The following DZANK1 variants were observed in gnomAD, a reference collection of about 807,000 sequenced individuals.
DZANK1 encodes double zinc ribbon and ankyrin repeat domains 1.
Under a neutral mutation model 94.5 loss-of-function variants are expected in DZANK1, and 91 were observed. The observed-to-expected ratio is 0.96, with a 90% CI of 0.81 to 1.15. The LOEUF (loss-of-function observed/expected upper bound fraction) is 1.15. Ranked by LOEUF, DZANK1 falls within the 50% of genes most tolerant of loss-of-function variation. The pLI is 0.00. For missense variants in DZANK1, 903 were observed against 916.4 expected (o/e 0.99, Z 0.19); for synonymous variants, 312 against 325.3 (o/e 0.96, Z 0.44).
intron 9 of DZANK1, among the ~76,000 whole-genome samples, chr20:18,430,887 C>T (rs1229967236): frequency 2.0e-5 from 3 of 151,938 alleles, no homozygotes; most frequent in Non-Finnish European, 2.9e-5. Context: ...AATTAAGTTG[C>T]GAGGAAAAGT....
intron 3 of DZANK1, among the ~76,000 whole-genome samples, chr20:18,458,330 A>G (rs995060360): frequency 6.6e-6 from 1 of 152,206 alleles, no homozygotes; most frequent in African/African-American, 2.4e-5. Flanking sequence ...AGATTTAAAC[A>G]GGGAAATTTA....
Position 18,386,166 on chromosome 20 carries a change from G to A in DZANK1, c.2019-1076C>T, listed in dbSNP as rs4814741. 2.6e-3 allele frequency among the ~76,000 whole-genome samples: 390 copies of A among 152,328 alleles called. 5 individuals are homozygous for A. Among genetic ancestry groups the A allele is most frequent in the Admixed American group, 0.021 (325 of 15,310 alleles). ...ATCCCTATGGAGAAAAAGGAGAGTG[G>A]CTTCCTCTCTGATGAAGATAAAGAG... On this transcript the variant is annotated intron_variant, in intron 19 of 20. Coordinates refer to ENST00000262547, the Ensembl canonical transcript of DZANK1.
rs1297781951 is a variant in DZANK1 at position 18,441,232 on chromosome 20, T to G, written c.747+2115A>C. Among the ~76,000 whole-genome samples, 2 of 152,198 alleles carry G rather than the reference T, an allele frequency of 1.3e-5. No homozygotes were observed. Among genetic ancestry groups the G allele is most frequent in the Non-Finnish European group, 2.9e-5 (2 of 68,042 alleles). Reference sequence around the variant, plus strand: ...CCACAGGTGACAGCCTGATTAACTGTGATGCCCCCTCATGCTATGGATCAC... The same window carrying G: ...CCACAGGTGACAGCCTGATTAACTGGGATGCCCCCTCATGCTATGGATCAC... On this transcript the variant is annotated intron_variant, in intron 8 of 20. Transcript: ENST00000262547. The surrounding 1 kb of genome is among the most constrained non-coding windows in gnomAD (Gnocchi z 4.1).
chr20:18,454,474 T>G, intron 4 of DZANK1: 1 of 169,268 alleles, frequency 5.9e-6, no homozygotes, highest in Non-Finnish European at 1.3e-5. Context: ...CCAAGACCTC[T>G]GGGTTGGCCG....
chr20:18,434,417 C>A (rs966302252), intron 8 of DZANK1, among the ~76,000 whole-genome samples: 5 of 151,172 alleles, frequency 3.3e-5, no homozygotes, highest in African/African-American at 9.7e-5. Flanking sequence ...TAGTGGCGGG[C>A]GCCTATAATC....
At chr20:18,393,872 TTA>T in intron 16 of DZANK1, 61 bp from the exon 17 acceptor site, 1 of 1,128,394 alleles carries the variant, frequency 8.9e-7, no homozygotes, top group Non-Finnish European at 1.3e-6. Flanking sequence ...ACACAAACAG[TTA>T]TTTCTTACTT....
chr20:18,434,737 A>G lies in DZANK1; in HGVS notation c.748-972T>C, dbSNP rs183720031. 2.4e-3 allele frequency among the ~76,000 whole-genome samples: 361 copies of G among 152,254 alleles called. 5 individuals are homozygous for G. Among genetic ancestry groups the G allele is most frequent in the Admixed American group, 0.02 (303 of 15,290 alleles). ...TGCCCCCTCCTTCTCTAACTCTGTC[A>G]GTGTGGTAGTTCCACCAGGGCAGGG... On this transcript the variant is annotated intron_variant, in intron 8 of 20. Transcript: ENST00000262547.
At chr20:18,450,495 G>T (rs1467794972) in intron 6 of DZANK1, among the ~76,000 whole-genome samples, 1 of 152,164 alleles carries the variant, frequency 6.6e-6, no homozygotes, top group Non-Finnish European at 1.5e-5. Flanking sequence ...TTTGGCATTG[G>T]CTCCCATAGT....
At chr20:18,412,721 G>A (rs2057315970) in exon 13 of DZANK1, 1 of 1,613,604 alleles carries the variant, frequency 6.2e-7, no homozygotes, top group South Asian at 1.1e-5. Context: ...TGAGAGGCTA[G>A]TTCCTGTTCC....
intron 3 of DZANK1, among the ~76,000 whole-genome samples, chr20:18,456,108 A>G (rs2059276564): frequency 1.3e-5 from 2 of 152,218 alleles, no homozygotes; most frequent in Admixed American, 1.3e-4. Flanking sequence ...CATCATAAAG[A>G]TATCAGACCA....
rs1477461054 is a variant in DZANK1 at position 18,465,241 on chromosome 20, G to A, written c.109+9C>T. 1 of 1,524,478 alleles carries A rather than the reference G, an allele frequency of 6.6e-7. No individual in the cohort carries two copies. Among genetic ancestry groups the A allele is most frequent in the Non-Finnish European group, 9.0e-7 (1 of 1,114,646 alleles). 94.4% of individuals were successfully genotyped at this position (1,524,478 alleles called of 1,614,324 possible). A position where few individuals can be genotyped will look rare whatever the true frequency, so the allele number is the denominator to read the frequency against. Reference sequence around the variant, plus strand: ...ATTTTAAACAATTTCAAACATATGTGATTCTTACCTGATTTCATTTCCAAA... The same window carrying A: ...ATTTTAAACAATTTCAAACATATGTAATTCTTACCTGATTTCATTTCCAAA... On this transcript the variant is annotated intron_variant, in intron 2 of 20. Coordinates refer to ENST00000262547, the Ensembl canonical transcript of DZANK1.
intron 10 of DZANK1, among the ~76,000 whole-genome samples, chr20:18,422,725 C>A (rs1370769147): frequency 2.6e-5 from 4 of 151,468 alleles, no homozygotes; most frequent in Non-Finnish European, 5.9e-5. Context: ...CTGGTCCCAA[C>A]TATTTCAGAT....
chr20:18,423,302 G>C (rs984113433), intron 10 of DZANK1, among the ~76,000 whole-genome samples: 5 of 152,166 alleles, frequency 3.3e-5, no homozygotes, highest in Non-Finnish European at 5.9e-5. Context: ...CTGTCATTAA[G>C]TGATGCATTA....
chr20:18,426,033 T>A (rs2058025153), intron 10 of DZANK1, among the ~76,000 whole-genome samples: 1 of 152,106 alleles, frequency 6.6e-6, no homozygotes, highest in South Asian at 2.1e-4. Flanking sequence ...AGGAAACTAG[T>A]ACACACCCAT....
intron 10 of DZANK1, among the ~76,000 whole-genome samples, chr20:18,419,571 T>C (rs1313049525): frequency 6.6e-6 from 1 of 152,154 alleles, no homozygotes; most frequent in East Asian, 1.9e-4. Context: ...CATGAAAATG[T>C]CAATTTGATT....
intron 13 of DZANK1, among the ~76,000 whole-genome samples, chr20:18,404,091 A>T (rs1320923410): frequency 6.6e-6 from 1 of 151,824 alleles, no homozygotes; most frequent in Non-Finnish European, 1.5e-5. Context: ...GCGCCGGGCC[A>T]CAGATTCTTA....
At chr20:18,409,182 T>A (rs1361106350) in intron 13 of DZANK1, among the ~76,000 whole-genome samples, 1 of 152,126 alleles carries the variant, frequency 6.6e-6, no homozygotes, top group East Asian at 1.9e-4. Flanking sequence ...AATTTAAAAA[T>A]TTTTTAAAAA....
At chr20:18,443,445 G>A (rs1287072622) in exon 8 of DZANK1, 1 of 1,490,526 alleles carries the variant, frequency 6.7e-7, no homozygotes. Flanking sequence ...GATGGCCGGG[G>A]GGCAAGGCAG....
intron 8 of DZANK1, among the ~76,000 whole-genome samples, chr20:18,435,512 G>A (rs1010534688): frequency 2.0e-5 from 3 of 152,126 alleles, no homozygotes; most frequent in Non-Finnish European, 2.9e-5. Context: ...ACCAAACACT[G>A]CATGTTTTCA....
Sources: gnomAD v4.1 joint callset for allele counts (sites outside exome capture counted in the v4.1 genomes callset) on GRCh38, gnomAD v4.1.1 for gene constraint, Gnocchi (gnomAD v3.1) non-coding constraint, MANE v1.5 for transcripts, NCBI Gene and HGNC (gene_info 2026-07-23, HGNC 2026-07-21) for gene names.